The following TXN variants were observed in gnomAD, a reference collection of about 807,000 sequenced individuals.
TXN encodes ADF.
A neutral mutation model predicts 16.5 loss-of-function variants in TXN; 10 were observed. The observed-to-expected ratio is 0.61, with a 90% CI of 0.37 to 1.03. The LOEUF is 1.03. TXN is among the 50% of genes least tolerant of loss of function. The pLI, the probability that TXN is intolerant of heterozygous loss-of-function variation, is 0.01. For missense variants in TXN, 71 were observed against 122.5 expected, an observed-to-expected ratio of 0.58 and a Z score of 1.98; for synonymous variants, 35 against 39.4, an observed-to-expected ratio of 0.89 and a Z score of 0.42.
chr9:110,253,613 A>C lies in TXN; in HGVS notation c.25-2151T>G, dbSNP rs567663819. 3.3e-4 allele frequency among the ~76,000 whole-genome samples: 51 copies of C among 152,340 alleles called. 1 individual carries two copies. The highest frequency in any genetic ancestry group is 1.2e-3 in the African/African-American group (50 of 41,582). On this transcript the variant is annotated intron_variant, in intron 1 of 4. Transcript: ENST00000374517. ...TTTCAAGAGGGAAGGTATTTCAAAC[A>C]TACTCAAGGCTTTTCCAAAACAGTT...
intron 1 of TXN, among the ~76,000 whole-genome samples, chr9:110,253,378 G>C (rs1837766035): frequency 6.6e-6 from 1 of 152,098 alleles, no homozygotes; most frequent in Admixed American, 6.5e-5. Context: ...TAGAAGTATA[G>C]CAATTGTTTT....
At chr9:110,245,391 C>T (rs72757051) in intron 3 of TXN, among the ~76,000 whole-genome samples, 16,493 of 150,528 alleles carry the variant, frequency 0.11, 1,113 homozygotes, top group South Asian at 0.18. Flanking sequence ...AAGGAATAAC[C>T]CCACACTGGG....
chr9:110,251,997 G>A (rs62580762), intron 1 of TXN, among the ~76,000 whole-genome samples: 126 of 151,990 alleles, frequency 8.3e-4, no homozygotes, highest in Non-Finnish European at 1.4e-3. Context: ...AGGCCGAGGT[G>A]GGCGGATCAC....
At chr9:110,250,601 G>A (rs1837720443) in intron 3 of TXN, among the ~76,000 whole-genome samples, 1 of 152,200 alleles carries the variant, frequency 6.6e-6, no homozygotes, top group African/African-American at 2.4e-5. Context: ...AGATTCAGAA[G>A]TCTCACTCAT....
rs1587919810 is a variant in TXN at position 110,244,638 on chromosome 9, T to C, written c.255+140A>G. On this transcript the variant is annotated intron_variant, in intron 4 of 4. Coordinates refer to ENST00000374517, the MANE Select transcript of TXN (RefSeq NM_003329.4). ...ACATTATGTACTTAAGCCAATGAAT[T>C]TTGGCATATTTAAAAATTCTTAAAA... 8.8e-6 allele frequency: 6 copies of C among 681,322 alleles called. No homozygotes were observed. The East Asian group carries it at 1.6e-4, about 18-fold the overall frequency. The allele number at this position is 681,322 out of a possible 1,614,324, so 42.2% of individuals were successfully genotyped here. A position where few individuals can be genotyped will look rare whatever the true frequency, so the allele number is the denominator to read the frequency against.
intron 3 of TXN, among the ~76,000 whole-genome samples, chr9:110,245,636 ATATATATATATATATATATT>A (rs1379467877): frequency 3.9e-5 from 1 of 25,612 alleles, no homozygotes; most frequent in Non-Finnish European, 7.1e-5. Flanking sequence ...ATATATATAT[ATATATATATATATATATATT>A]TTTTTTTTTT....
At chr9:110,247,656 A>G in intron 3 of TXN, among the ~76,000 whole-genome samples, 1 of 152,236 alleles carries the variant, frequency 6.6e-6, no homozygotes, top group East Asian at 1.9e-4. Flanking sequence ...TACTTTCTTA[A>G]TAAACTTGCT....
rs1029073013 is a variant in TXN at position 110,256,265 on chromosome 9, G to C, written c.24+147C>G. The stretch of plus-strand genomic sequence containing the variant: ...CCGCTGCTTCCCGCAGTCCCAGGCC[G>C]AGACGCCGCGTCCCTTTCCCCTGGC... On this transcript the variant is annotated intron_variant, in intron 1 of 4. Coordinates refer to ENST00000374517, the MANE Select transcript of TXN (RefSeq NM_003329.4). This position sits in a 1 kb window ranked among gnomAD's most constrained non-coding sequence, Gnocchi z 4.2. The C allele has an allele frequency of 2.2e-6, 2 of 914,184 alleles. No homozygotes were observed. The highest frequency in any genetic ancestry group is 1.7e-6 in the Non-Finnish European group (1 of 596,860). 56.6% of individuals were successfully genotyped at this position (914,184 alleles called of 1,614,324 possible). A position where few individuals can be genotyped will look rare whatever the true frequency, so the allele number is the denominator to read the frequency against.
chr9:110,249,124 T>TAAA (rs1837693879), intron 3 of TXN, among the ~76,000 whole-genome samples: 1 of 35,550 alleles, frequency 2.8e-5, no homozygotes, highest in African/African-American at 1.5e-4. Context: ...GAACTCCATC[T>TAAA]CAAAAAAAAA....
chr9:110,244,325 A>ATATATACATATGTATAAATATGTATT lies in TXN; in HGVS notation c.256-132_256-107dup, dbSNP rs1554766548. The ATATATACATATGTATAAATATGTATT allele has an allele frequency of 1.6e-3, 475 of 300,982 alleles. 2 individuals carry two copies. Among genetic ancestry groups the ATATATACATATGTATAAATATGTATT allele is most frequent in the African/African-American group, 0.01 (444 of 44,220 alleles). The allele number at this position is 300,982 out of a possible 1,614,324, so 18.6% of individuals were successfully genotyped here. On this transcript the variant is annotated intron_variant, in intron 4 of 4. Transcript: ENST00000374517. ...TATATATATACATATACATATGTAT[A>ATATATACATATGTATAAATATGTATT]TATATACATATGTATAAATATGTAT...
At chr9:110,251,953 T>G (rs1214293839) in intron 1 of TXN, among the ~76,000 whole-genome samples, 2 of 152,116 alleles carry the variant, frequency 1.3e-5, no homozygotes, top group Non-Finnish European at 2.9e-5. Context: ...TGGCTGGGCA[T>G]GGTGGCTCAC....
At chr9:110,252,593 T>A (rs1359104236) in intron 1 of TXN, among the ~76,000 whole-genome samples, 1 of 152,206 alleles carries the variant, frequency 6.6e-6, no homozygotes, top group Non-Finnish European at 1.5e-5. Context: ...TTATTTACTA[T>A]CTAGATACTG....
intron 3 of TXN, among the ~76,000 whole-genome samples, chr9:110,245,636 ATATATATATATATATATAT>A (rs1837642739): frequency 7.8e-5 from 2 of 25,612 alleles, no homozygotes; most frequent in Non-Finnish European, 1.4e-4. Context: ...ATATATATAT[ATATATATATATATATATAT>A]TTTTTTTTTT....
intron 3 of TXN, among the ~76,000 whole-genome samples, chr9:110,245,884 G>A (rs1021680722): frequency 2.6e-5 from 4 of 151,462 alleles, no homozygotes; most frequent in African/African-American, 9.7e-5. Context: ...GGCTAACACG[G>A]AGAAACCCCA....
chr9:110,252,471 C>T (rs1837753824), intron 1 of TXN, among the ~76,000 whole-genome samples: 1 of 152,044 alleles, frequency 6.6e-6, no homozygotes, highest in Non-Finnish European at 1.5e-5. Context: ...TGAAAGTTTT[C>T]GTTCCTCATG....
intron 3 of TXN, among the ~76,000 whole-genome samples, chr9:110,246,252 C>G (rs751152639): frequency 4.6e-5 from 7 of 152,070 alleles, no homozygotes; most frequent in African/African-American, 9.7e-5. Context: ...TTCCTAACAT[C>G]GCAAATTGGG....
intron 2 of TXN, 90 bp from the exon 3 acceptor site, chr9:110,250,969 A>ATT: frequency 1.1e-6 from 1 of 935,244 alleles, no homozygotes; most frequent in Non-Finnish European, 1.7e-6. Context: ...AAACTTAATA[A>ATT]AAGTAGAGAC....
chr9:110,249,539 A>C (rs1837701472), intron 3 of TXN, among the ~76,000 whole-genome samples: 1 of 152,164 alleles, frequency 6.6e-6, no homozygotes, highest in Non-Finnish European at 1.5e-5. Flanking sequence ...CTGGGTACTT[A>C]GGGCACACAA....
At chr9:110,253,742 T>G (rs1837770504) in intron 1 of TXN, among the ~76,000 whole-genome samples, 1 of 152,226 alleles carries the variant, frequency 6.6e-6, no homozygotes, top group African/African-American at 2.4e-5. Context: ...ATGTGCAGGC[T>G]TCATGTACAA....
Sources: gnomAD v4.1 joint callset for allele counts (sites outside exome capture counted in the v4.1 genomes callset) on GRCh38, gnomAD v4.1.1 for gene constraint, Gnocchi (gnomAD v3.1) non-coding constraint, MANE v1.5 for transcripts, NCBI Gene and HGNC (gene_info 2026-07-23, HGNC 2026-07-21) for gene names.